The following PDE1C variants were observed in gnomAD, a reference collection of about 807,000 sequenced individuals.
The protein encoded by PDE1C is phosphodiesterase 1C.
Under a neutral mutation model 93.1 loss-of-function variants are expected in PDE1C, and 62 were observed. The ratio of observed to expected loss-of-function variants is 0.67; its 90% CI spans 0.54 to 0.82. PDE1C has a LOEUF of 0.82. PDE1C is among the 40% of genes least tolerant of loss of function. PDE1C has a pLI of 0.00. For synonymous variants in PDE1C, 325 were observed against 310.1 expected, an observed-to-expected ratio of 1.05 and a Z score of -0.50; for missense variants, 742 against 884.6, an observed-to-expected ratio of 0.84 and a Z score of 2.04.
chr7:31,895,612 CTG>C (rs1799203570), intron 2 of PDE1C, among the ~76,000 whole-genome samples: 1 of 151,624 alleles, frequency 6.6e-6, no homozygotes, highest in Non-Finnish European at 1.5e-5. Context: ...CTCTCTCACT[CTG>C]TCTCTCTGAT....
At chr7:31,780,803 T>TTGTGTGTGTGTG (rs55970947) in intron 16 of PDE1C, among the ~76,000 whole-genome samples, 1 of 149,612 alleles carries the variant, frequency 6.7e-6, no homozygotes, top group African/African-American at 2.5e-5. Flanking sequence ...ACGTGTGCAT[T>TTGTGTGTGTGTG]TGTGTGTGTG....
chr7:32,205,160 G>A (rs934228185), intron 2 of PDE1C, among the ~76,000 whole-genome samples: 2 of 152,168 alleles, frequency 1.3e-5, no homozygotes, highest in African/African-American at 4.8e-5. Context: ...GCTTCATCCA[G>A]CAATTAAAGG....
At chr7:32,159,173 A>G (rs923883670) in intron 3 of PDE1C, among the ~76,000 whole-genome samples, 1 of 152,202 alleles carries the variant, frequency 6.6e-6, no homozygotes, top group Non-Finnish European at 1.5e-5. Flanking sequence ...ATGCAGCTTC[A>G]GTGCCCAACA....
chr7:31,747,619 T>G (rs1794032961), downstream of PDE1C, among the ~76,000 whole-genome samples: 1 of 152,108 alleles, frequency 6.6e-6, no homozygotes, highest in Admixed American at 6.5e-5. Context: ...CTGGAGAACT[T>G]ACACTTACTT....
chr7:32,234,885 A>G (rs1424590352), intron 1 of PDE1C, among the ~76,000 whole-genome samples: 8 of 152,066 alleles, frequency 5.3e-5, no homozygotes, highest in African/African-American at 1.9e-4. Context: ...GTGTTAGCAA[A>G]TTGAATATAG....
chr7:31,802,262 A>G (rs1412778133), intron 16 of PDE1C, among the ~76,000 whole-genome samples: 1 of 151,502 alleles, frequency 6.6e-6, no homozygotes, highest in African/African-American at 2.4e-5. Context: ...TTTAGAGTTT[A>G]TAATATATAT....
chr7:32,192,878 G>A (rs915730070), intron 2 of PDE1C, among the ~76,000 whole-genome samples: 1 of 152,018 alleles, frequency 6.6e-6, no homozygotes, highest in African/African-American at 2.4e-5. Context: ...ATAGTTTTCA[G>A]CATACAAGTC....
At chr7:31,843,578 T>G (rs1792183417) in intron 9 of PDE1C, among the ~76,000 whole-genome samples, 1 of 151,906 alleles carries the variant, frequency 6.6e-6, no homozygotes, top group Admixed American at 6.6e-5. Flanking sequence ...TGTATTTATA[T>G]TTAAAGTGTA....
chr7:32,413,573 C>T (rs1249621796), intron 1 of PDE1C, among the ~76,000 whole-genome samples: 3 of 151,884 alleles, frequency 2.0e-5, no homozygotes, highest in African/African-American at 4.8e-5. Flanking sequence ...CTTCAGGAAG[C>T]GGGAAATGGG....
the PDE1C span, among the ~76,000 whole-genome samples, chr7:31,677,641 T>C: frequency 6.6e-6 from 1 of 152,218 alleles, no homozygotes; most frequent in South Asian, 2.1e-4. Flanking sequence ...AATTATTACA[T>C]ACTTTCCAAA....
At chr7:31,640,118 T>C in the PDE1C span, among the ~76,000 whole-genome samples, 1 of 152,224 alleles carries the variant, frequency 6.6e-6, no homozygotes, top group Non-Finnish European at 1.5e-5. Context: ...TAAGGCTCAT[T>C]AGGTGGGACC....
At chr7:32,320,112 T>C (rs1783258391) in intron 1 of PDE1C, among the ~76,000 whole-genome samples, 1 of 152,218 alleles carries the variant, frequency 6.6e-6, no homozygotes, top group African/African-American at 2.4e-5. Flanking sequence ...CACTACCAAC[T>C]GACAGATTTT....
chr7:31,918,998 G>C (rs1308151023), intron 2 of PDE1C, among the ~76,000 whole-genome samples: 2 of 152,114 alleles, frequency 1.3e-5, no homozygotes, highest in Non-Finnish European at 2.9e-5. Context: ...CAGGTTACGT[G>C]CAAATAATAA....
At chr7:32,368,516 A>T (rs1463079931) in intron 1 of PDE1C, among the ~76,000 whole-genome samples, 2 of 152,192 alleles carry the variant, frequency 1.3e-5, no homozygotes, top group Non-Finnish European at 2.9e-5. Flanking sequence ...ATAAAAACAA[A>T]TTGGAAAACA....
the PDE1C span, among the ~76,000 whole-genome samples, chr7:31,732,600 C>T: frequency 6.9e-6 from 1 of 144,584 alleles, no homozygotes; most frequent in Non-Finnish European, 1.5e-5. Flanking sequence ...TAGGCCAATT[C>T]CTTTAAATCT....
intron 2 of PDE1C, among the ~76,000 whole-genome samples, chr7:32,037,566 G>C (rs1033154203): frequency 1.3e-5 from 2 of 152,062 alleles, no homozygotes; most frequent in Non-Finnish European, 2.9e-5. Context: ...TCATCCTTAA[G>C]CCTCAGGTGT....
At chr7:32,114,570 T>C (rs187626775) in intron 3 of PDE1C, among the ~76,000 whole-genome samples, 108 of 152,286 alleles carry the variant, frequency 7.1e-4, no homozygotes, top group African/African-American at 2.5e-3. Flanking sequence ...AAAGATTTCA[T>C]GAGGAAAATG....
Position 31,837,880 on chromosome 7 carries a change from G to T in PDE1C, c.1072C>A (p.Gln358Lys). 6.2e-7 allele frequency: 1 copy of T among 1,610,930 alleles called. No individual in the cohort carries two copies. The highest frequency in any genetic ancestry group is 8.5e-7 in the Non-Finnish European group (1 of 1,177,200). ...QIKAMKTALQ[Q>K]PEAIEKPKAL... ...CACAAGCACACTTACGCTTCTGGCT[G>T]CTGCAGAGCAGTCTTCATTGCTTTG... is the stretch of plus-strand genomic sequence containing the variant. Residue 358 changes from glutamine (Q) to lysine (K), a missense_variant, in exon 10 of 18, where the codon CAG becomes AAG. By Grantham distance (53) the Gln-to-Lys change is moderately conservative. Coordinates refer to ENST00000396191, the MANE Select transcript of PDE1C (RefSeq NM_001191057.4).
chr7:31,889,935 CCT>C (rs1482772085), intron 2 of PDE1C, among the ~76,000 whole-genome samples: 17 of 152,140 alleles, frequency 1.1e-4, no homozygotes, highest in Admixed American at 3.3e-4. Flanking sequence ...CAGTTTATCC[CCT>C]GTTTTTATTG....
Sources: allele counts gnomAD v4.1 joint callset (sites outside exome capture counted in the v4.1 genomes callset), GRCh38; gene constraint gnomAD v4.1.1; transcripts MANE v1.5; gene names NCBI Gene and HGNC (gene_info 2026-07-23, HGNC 2026-07-21).